The following TJP1 variants were observed in gnomAD, a reference collection of about 807,000 sequenced individuals.
TJP1 encodes tight junction protein 1, also known as tight junction protein ZO-1.
TJP1 carries 43 observed loss-of-function variants against 194.2 expected under a neutral mutation model. That is an observed-to-expected ratio of 0.22 (90% CI 0.17 to 0.29). TJP1 has a LOEUF of 0.29. Ranked by LOEUF, TJP1 falls within the 10% of genes least tolerant of loss-of-function variation. The pLI is 1.00. For missense variants in TJP1, 1,971 were observed against 2,185.7 expected, an observed-to-expected ratio of 0.90 and a Z score of 1.96; for synonymous variants, 801 against 779.0, an observed-to-expected ratio of 1.03 and a Z score of -0.47.
chr15:29,950,336 G>A (rs1386373693), intron 2 of TJP1, among the ~76,000 whole-genome samples: 1 of 121,696 alleles, frequency 8.2e-6, no homozygotes, highest in Non-Finnish European at 1.7e-5. Flanking sequence ...CACTTCCTGT[G>A]CCACCACCAC....
rs372663991 is a variant in TJP1, at chr15:29,742,716, G to A, written c.1076C>T (p.Ala359Val). The A allele has an allele frequency of 1.2e-6, 2 of 1,608,774 alleles. No homozygotes were observed. Among genetic ancestry groups the A allele is most frequent in the South Asian group, 1.1e-5 (1 of 89,926 alleles). ...CACTGTTTTAGGTGTGTGATCATCA[G>A]CATGCTTTACAGGAGTTGAGACAGC... ...PGAVSTPVKH[A>V]DDHTPKTVEE... The change falls in exon 9 of 28, where the codon GCT becomes GTT. Residue 359 changes from alanine to valine, a missense_variant. By Grantham distance (64) the Ala-to-Val change is moderately conservative (BLOSUM62 0). Coordinates refer to ENST00000614355, the MANE Select transcript of TJP1 (RefSeq NM_001330239.4).
intron 1 of TJP1, among the ~76,000 whole-genome samples, chr15:29,809,858 A>C (rs1004529764): frequency 6.6e-5 from 10 of 152,048 alleles, no homozygotes; most frequent in African/African-American, 1.7e-4. Flanking sequence ...AAAAAAAAAA[A>C]ACCAAACACT....
chr15:29,765,148 G>C (rs1482656261), intron 5 of TJP1, among the ~76,000 whole-genome samples: 1 of 152,126 alleles, frequency 6.6e-6, no homozygotes, highest in African/African-American at 2.4e-5. Context: ...ATACTGAAAA[G>C]GCAAGCAAGC....
Position 29,718,700 on chromosome 15 carries a change from G to C in TJP1, c.3442C>G (p.Gln1148Glu), listed in dbSNP as rs1566886407. 3.7e-6 allele frequency: 6 copies of C among 1,614,044 alleles called. No homozygotes were observed. Among genetic ancestry groups the C allele is most frequent in the Non-Finnish European group, 5.1e-6 (6 of 1,180,050 alleles). The change falls in exon 21 of 28, where the codon CAG becomes GAG. Residue 1148 changes from glutamine (Q) to glutamate (E), a missense_variant. By Grantham distance (29) the Gln-to-Glu change is conservative. Transcript: ENST00000614355. ...CGCAGGGCGGATGCTCTAGGTGCCT[G>C]TTCGTAACGTGGTCTGCTGTCGTAA... is the stretch of plus-strand genomic sequence containing the variant. Reference protein sequence around the residue: ...LSYDSRPRYEQAPRASALRHE... With the variant: ...LSYDSRPRYEEAPRASALRHE...
chr15:29,798,881 T>G (rs2048591045), intron 2 of TJP1, among the ~76,000 whole-genome samples: 1 of 152,204 alleles, frequency 6.6e-6, no homozygotes, highest in Admixed American at 6.5e-5. Flanking sequence ...TGCATTAGGC[T>G]AAGTGTAAGA....
At chr15:29,810,063 C>G (rs1412935293) in intron 1 of TJP1, among the ~76,000 whole-genome samples, 1 of 152,156 alleles carries the variant, frequency 6.6e-6, no homozygotes, top group Non-Finnish European at 1.5e-5. Flanking sequence ...AATCTGAAAT[C>G]TGAAATGCTC....
intron 1 of TJP1, among the ~76,000 whole-genome samples, chr15:29,805,786 T>TCTG (rs1427894388): frequency 6.6e-6 from 1 of 152,208 alleles, no homozygotes; most frequent in Non-Finnish European, 1.5e-5. Context: ...AAGGACTGTG[T>TCTG]CTGCTGTGAA....
intron 8 of TJP1, 194 bp from the exon 9 acceptor site, chr15:29,742,975 TAAAATC>T (rs2044525000): frequency 7.2e-6 from 3 of 414,606 alleles, no homozygotes. Flanking sequence ...ATTCATGTAA[TAAAATC>T]GAAAATGAAG....
intron 24 of TJP1, among the ~76,000 whole-genome samples, chr15:29,709,543 C>T (rs577116501): frequency 2.8e-4 from 42 of 152,236 alleles, no homozygotes; most frequent in South Asian, 1.0e-3. Context: ...AAGGACACTA[C>T]AAGACAGGAG....
intron 18 of TJP1, among the ~76,000 whole-genome samples, chr15:29,724,058 A>G (rs1014143079): frequency 2.0e-5 from 3 of 152,214 alleles, no homozygotes; most frequent in African/African-American, 7.2e-5. Flanking sequence ...ACTGCTATTA[A>G]CTAGCAGGTT....
At chr15:29,840,165 G>A (rs1336675847) in intron 2 of TJP1, among the ~76,000 whole-genome samples, 5 of 152,114 alleles carry the variant, frequency 3.3e-5, no homozygotes, top group South Asian at 4.1e-4. Flanking sequence ...TGCGATTTGC[G>A]AATGCAGTAT....
chr15:29,830,385 G>A (rs975569088), intron 2 of TJP1, among the ~76,000 whole-genome samples: 1 of 149,758 alleles, frequency 6.7e-6, no homozygotes, highest in African/African-American at 2.4e-5. Context: ...ATATATATTA[G>A]TACATTTTAC....
At chr15:29,834,400 G>A (rs1026898633) in intron 2 of TJP1, among the ~76,000 whole-genome samples, 4 of 151,458 alleles carry the variant, frequency 2.6e-5, no homozygotes, top group African/African-American at 9.7e-5. Context: ...TTGTGTTTTT[G>A]GTAGAGACAG....
At chr15:29,731,196 A>C (rs1305481806) in intron 15 of TJP1, among the ~76,000 whole-genome samples, 2 of 152,064 alleles carry the variant, frequency 1.3e-5, no homozygotes, top group Non-Finnish European at 2.9e-5. Flanking sequence ...TGATGTGGAG[A>C]AAACACCTTT....
At chr15:29,827,941 C>T (rs2050725307) in intron 2 of TJP1, among the ~76,000 whole-genome samples, 1 of 152,180 alleles carries the variant, frequency 6.6e-6, no homozygotes, top group Non-Finnish European at 1.5e-5. Flanking sequence ...GGTCTTTTGG[C>T]ATTCTTCCCC....
intron 18 of TJP1, among the ~76,000 whole-genome samples, chr15:29,725,953 G>A (rs1384791953): frequency 6.6e-6 from 1 of 152,144 alleles, no homozygotes; most frequent in African/African-American, 2.4e-5. Context: ...CCTTCATAGT[G>A]CCTTCTCTCT....
upstream of TJP1, among the ~76,000 whole-genome samples, chr15:29,826,590 C>T (rs1053551606): frequency 5.3e-5 from 8 of 150,718 alleles, no homozygotes; most frequent in African/African-American, 2.0e-4. Flanking sequence ...TCCTCTCCAT[C>T]TTCCCCCCAA....
At chr15:29,762,311 TA>T in intron 6 of TJP1, 23 bp downstream of exon 6, 2 of 1,577,860 alleles carry the variant, frequency 1.3e-6, no homozygotes. Context: ...TTCAGTTCAT[TA>T]AAAAGTAAGA....
intron 2 of TJP1, among the ~76,000 whole-genome samples, chr15:29,878,161 T>G (rs527320454): frequency 6.6e-6 from 1 of 152,298 alleles, no homozygotes; most frequent in Non-Finnish European, 1.5e-5. Flanking sequence ...GCCAGTCTCC[T>G]GCCTCAGCCT....
Sources: allele counts gnomAD v4.1 joint callset (sites outside exome capture counted in the v4.1 genomes callset), GRCh38; gene constraint gnomAD v4.1.1; transcripts MANE v1.5; gene names NCBI Gene and HGNC (gene_info 2026-07-23, HGNC 2026-07-21).